The following FLNB variants were observed in gnomAD, a reference collection of about 807,000 sequenced individuals.
The protein encoded by FLNB is filamin-B.
A neutral mutation model predicts 250.6 loss-of-function variants in FLNB; 111 were observed. The observed-to-expected ratio is 0.44, with a 90% CI of 0.38 to 0.52. The LOEUF is 0.52. FLNB is among the 20% of genes least tolerant of loss of function. The pLI, the probability that FLNB is intolerant of heterozygous loss-of-function variation, is 0.00. For synonymous variants in FLNB, 1,302 were observed against 1,372.1 expected (o/e 0.95, Z 1.13); for missense variants, 2,869 against 3,447.8 (o/e 0.83, Z 4.20).
Position 58,171,445 on chromosome 3 carries a change from A to G in FLNB, c.*683A>G, listed in dbSNP as rs1244101600. 1 of 152,430 alleles carries G rather than the reference A, an allele frequency of 6.6e-6. No homozygotes were observed. The highest frequency in any genetic ancestry group is 1.5e-5 in the Non-Finnish European group (1 of 68,242). The allele number at this position is 152,430 out of a possible 1,614,324, so 9.4% of individuals were successfully genotyped here. Reference sequence around the variant, plus strand: ...GGTGATTATTTCTTGCAGAATCACCACACGAGACCATCCCGGCAGTCATGG... The same window carrying G: ...GGTGATTATTTCTTGCAGAATCACCGCACGAGACCATCCCGGCAGTCATGG... On this transcript the variant is annotated 3_prime_UTR_variant, in exon 46 of 46. Coordinates refer to ENST00000295956, the MANE Select transcript of FLNB (RefSeq NM_001457.4). The surrounding 1 kb of genome is among the most constrained non-coding windows in gnomAD (Gnocchi z 5.5).
chr3:58,157,698 A>T (rs541888457), intron 41 of FLNB, among the ~76,000 whole-genome samples: 1 of 152,212 alleles, frequency 6.6e-6, no homozygotes, highest in Non-Finnish European at 1.5e-5. Flanking sequence ...CATCTCGAAG[A>T]TTTCTTTCAA....
chr3:58,041,030 T>A (rs2097145331), intron 1 of FLNB, among the ~76,000 whole-genome samples: 1 of 152,156 alleles, frequency 6.6e-6, no homozygotes, highest in South Asian at 2.1e-4. Context: ...TTTTTATGCC[T>A]CATGTCACTT....
In FLNB at chr3:58,123,194, G is replaced by A. The variant is rs566744635; in HGVS notation, c.3228G>A (p.Thr1076=). Residue 1076 remains threonine (T), a synonymous_variant, in exon 21 of 46, where the codon ACG becomes ACA. Coordinates refer to ENST00000295956, the MANE Select transcript of FLNB (RefSeq NM_001457.4). ...KGAGTGGLGL[T]VEGPCEAKIE... Reference sequence around the variant, plus strand: ...CTGGTACTGGAGGTCTGGGCTTAACGGTGGAAGGTCCGTGCGAGGCCAAAA... The same window carrying A: ...CTGGTACTGGAGGTCTGGGCTTAACAGTGGAAGGTCCGTGCGAGGCCAAAA... The A allele has an allele frequency of 3.0e-5, 48 of 1,613,902 alleles. No individual in the cohort carries two copies. Among genetic ancestry groups the A allele is most frequent in the South Asian group, 2.4e-4 (22 of 91,082 alleles).
intron 4 of FLNB, 124 bp downstream of exon 4, chr3:58,081,900 C>A: frequency 4.9e-6 from 5 of 1,021,098 alleles, no homozygotes; most frequent in Non-Finnish European, 6.2e-6. Flanking sequence ...AAAGAGACCC[C>A]AAGCCTCCTT....
chr3:58,032,380 G>C (rs1658397), intron 1 of FLNB, among the ~76,000 whole-genome samples: 113,954 of 152,098 alleles, frequency 0.75, 43,708 homozygotes, highest in East Asian at 0.95. Context: ...TGTTGAAACG[G>C]CTGAGCTAAT....
chr3:58,130,594 C>A, intron 24 of FLNB, 147 bp from the exon 25 acceptor site: 2 of 713,194 alleles, frequency 2.8e-6, no homozygotes, highest in Middle Eastern at 3.8e-4. Context: ...TGAGTAGGCA[C>A]ATGAGCAGTG....
intron 1 of FLNB, among the ~76,000 whole-genome samples, chr3:58,050,484 A>G (rs1193880565): frequency 1.3e-5 from 2 of 152,160 alleles, no homozygotes; most frequent in Non-Finnish European, 2.9e-5. Context: ...CAGGGGTTCC[A>G]GGGCTGGGTG....
chr3:58,124,584 C>G (rs2097294491), intron 22 of FLNB, 79 bp downstream of exon 22: 1 of 1,477,922 alleles, frequency 6.8e-7, no homozygotes, highest in Non-Finnish European at 9.4e-7. Flanking sequence ...GGTACTGATG[C>G]CTGCCCCATG....
At chr3:58,013,477 G>T (rs1472100883) in intron 1 of FLNB, among the ~76,000 whole-genome samples, 1 of 152,118 alleles carries the variant, frequency 6.6e-6, no homozygotes, top group Non-Finnish European at 1.5e-5. Context: ...GCTCTTTCTT[G>T]CATGTCTAGC....
At chr3:58,126,344 C>T (rs1377319397) in intron 23 of FLNB, among the ~76,000 whole-genome samples, 3 of 152,144 alleles carry the variant, frequency 2.0e-5, no homozygotes, top group African/African-American at 7.2e-5. Context: ...CGCGCCACTG[C>T]ACTCCAGCCT....
Position 58,143,462 on chromosome 3 carries a change from G to C in FLNB, c.5285-11G>C, listed in dbSNP as rs1260962491. On this transcript the variant is annotated splice_polypyrimidine_tract_variant and intron_variant, in intron 31 of 45. Transcript: ENST00000295956. ...GTGGGCTTCATTGCCCCGTCTCTCT[G>C]TGCTCCATAGGAGAGGTCCACATGC... The C allele has an allele frequency of 5.6e-6, 9 of 1,614,032 alleles. No individual in the cohort carries two copies. Among genetic ancestry groups the C allele is most frequent in the Non-Finnish European group, 7.6e-6 (9 of 1,180,034 alleles).
Position 58,142,416 on chromosome 3 carries a change from TACAA to T in FLNB, c.5182-230_5182-227del, listed in dbSNP as rs2097328627. ...TTCCCGTGGGTGCTGCTGGGAATTTTACAAACAGACTCCCGAGTGATTGCTAACA... is the reference window on the plus strand; with the variant it reads ...TTCCCGTGGGTGCTGCTGGGAATTTTACAGACTCCCGAGTGATTGCTAACA... On this transcript the variant is annotated intron_variant, in intron 30 of 45. Transcript: ENST00000295956. This position sits in a 1 kb window ranked among gnomAD's most constrained non-coding sequence, Gnocchi z 4.3. Among the ~76,000 whole-genome samples, 1 of 152,240 alleles carries T rather than the reference TACAA, an allele frequency of 6.6e-6. No homozygotes were observed.
At position 58,077,747 on chromosome 3, in the gene FLNB, AC is replaced by A. The variant is rs141205357; in HGVS notation, c.541+456del. ...GGTTTGACTATATATGGCATTCTCC[AC>A]CCTTTTCTTTCTGTGTTGCTGTGAA... is the stretch of plus-strand genomic sequence containing the variant. On this transcript the variant is annotated intron_variant, in intron 2 of 45. Transcript: ENST00000295956. Among the ~76,000 whole-genome samples, 654 of 152,102 alleles carry A rather than the reference AC, an allele frequency of 4.3e-3. 6 individuals are homozygous for A. Among genetic ancestry groups the A allele is most frequent in the African/African-American group, 0.014 (579 of 41,490 alleles).
chr3:58,114,723 G>T (rs868549550), intron 18 of FLNB, among the ~76,000 whole-genome samples: 909 of 124,314 alleles, frequency 7.3e-3, no homozygotes, highest in South Asian at 0.016. Context: ...TTTTTTTGTT[G>T]TTGTTGTTGT....
intron 1 of FLNB, among the ~76,000 whole-genome samples, chr3:58,014,620 T>C (rs2097103311): frequency 6.6e-6 from 1 of 152,230 alleles, no homozygotes; most frequent in Non-Finnish European, 1.5e-5. Context: ...GCTGCTGGCT[T>C]AGTTGAGGAT....
chr3:58,096,870 A>C (rs1453083218), intron 6 of FLNB, among the ~76,000 whole-genome samples: 6 of 152,196 alleles, frequency 3.9e-5, no homozygotes, highest in African/African-American at 1.4e-4. Flanking sequence ...AGGAGCTGTC[A>C]GCATTGAAGG....
chr3:58,166,989 A>G (rs145691711), intron 43 of FLNB, among the ~76,000 whole-genome samples: 7 of 152,124 alleles, frequency 4.6e-5, no homozygotes, highest in African/African-American at 7.2e-5. Context: ...TTAGCTGGGC[A>G]TGGTGGCGAG....
intron 1 of FLNB, among the ~76,000 whole-genome samples, chr3:58,025,014 CT>C (rs60873331): frequency 0.037 from 4,948 of 134,802 alleles, 300 homozygotes; most frequent in African/African-American, 0.13. Flanking sequence ...CCCAGCCTTC[CT>C]TTTTTTTTTT....
chr3:58,112,005 G>T, intron 17 of FLNB, 124 bp downstream of exon 17: 1 of 1,167,548 alleles, frequency 8.6e-7, no homozygotes, highest in East Asian at 2.3e-5. Context: ...CAGGTTTTCT[G>T]TGCAGCTCTG....
Sources: gnomAD v4.1 joint callset for allele counts (sites outside exome capture counted in the v4.1 genomes callset) on GRCh38, gnomAD v4.1.1 for gene constraint, Gnocchi (gnomAD v3.1) non-coding constraint, MANE v1.5 for transcripts, NCBI Gene and HGNC (gene_info 2026-07-23, HGNC 2026-07-21) for gene names.